GLB1: variants seen among roughly 807,000 people sequenced by gnomAD.
The protein encoded by GLB1 is beta-galactosidase.
Under a neutral mutation model 74.0 loss-of-function variants are expected in GLB1, and 56 were observed. That is an observed-to-expected ratio of 0.76 (90% CI 0.61 to 0.94). The LOEUF is 0.94. Among genes scored for constraint, GLB1 ranks in the 40% least tolerant of loss-of-function variants. GLB1 has a pLI of 0.00. For synonymous variants in GLB1, 323 were observed against 323.6 expected (o/e 1.00, Z 0.02); for missense variants, 787 against 845.5 (o/e 0.93, Z 0.86).
At position 32,996,725 on chromosome 3, in the gene GLB1, T is replaced by G. The variant is rs1696319732; in HGVS notation, c.*320A>C. ...TACCTGCACATTAAAAACAGTGACA[T>G]CATCATTTGAGTACAAATTTTATTT... is the stretch of plus-strand genomic sequence containing the variant. On this transcript the variant is annotated 3_prime_UTR_variant, in exon 16 of 16. Coordinates refer to ENST00000307363, the MANE Select transcript of GLB1 (RefSeq NM_000404.4). 3 of 372,466 alleles carry G rather than the reference T, an allele frequency of 8.1e-6. No individual in the cohort carries two copies. The highest frequency in any genetic ancestry group is 1.5e-5 in the Non-Finnish European group (3 of 196,002). 23.1% of individuals were successfully genotyped at this position (372,466 alleles called of 1,614,324 possible).
chr3:33,094,370 A>G, intron 1 of GLB1: 6 of 1,373,052 alleles, frequency 4.4e-6, no homozygotes, highest in Non-Finnish European at 5.7e-6. Flanking sequence ...TCAAAACTCA[A>G]AGGCCACTTA....
chr3:33,066,667 A>C (rs142565051), intron 4 of GLB1, among the ~76,000 whole-genome samples: 147 of 152,354 alleles, frequency 9.6e-4, no homozygotes, highest in African/African-American at 3.4e-3. Context: ...TGCTGAATGA[A>C]GAAAAGAGTG....
intron 15 of GLB1, among the ~76,000 whole-genome samples, chr3:32,997,826 G>A (rs1282220090): frequency 1.3e-5 from 2 of 152,190 alleles, no homozygotes; most frequent in African/African-American, 4.8e-5. Context: ...GGCAGGTCTT[G>A]ACCTCACTAT....
At chr3:33,007,132 T>C (rs567360630) in intron 15 of GLB1, among the ~76,000 whole-genome samples, 6 of 152,314 alleles carry the variant, frequency 3.9e-5, no homozygotes, top group African/African-American at 1.4e-4. Flanking sequence ...ATTGGTTCTG[T>C]GTTAGGTAGG....
At chr3:33,024,947 CT>C (rs34388197) in intron 10 of GLB1, among the ~76,000 whole-genome samples, 51,639 of 144,140 alleles carry the variant, frequency 0.36, 9,018 homozygotes, top group East Asian at 0.47. Context: ...TACAAATCCT[CT>C]TTTTTTTTTT....
intron 10 of GLB1, among the ~76,000 whole-genome samples, chr3:33,037,180 G>T (rs538643485): frequency 6.6e-6 from 1 of 152,038 alleles, no homozygotes; most frequent in East Asian, 1.9e-4. Flanking sequence ...CGAGTAGCTG[G>T]AATTACAGGT....
the GLB1 span, among the ~76,000 whole-genome samples, chr3:32,987,391 C>T: frequency 2.0e-5 from 3 of 152,212 alleles, no homozygotes; most frequent in Non-Finnish European, 4.4e-5. Context: ...TGAAAGTAGT[C>T]TCCTTGCTTA....
intron 15 of GLB1, among the ~76,000 whole-genome samples, chr3:33,002,693 G>A (rs1342603084): frequency 6.6e-6 from 1 of 152,178 alleles, no homozygotes; most frequent in Admixed American, 6.5e-5. Context: ...ACAGGTGTGA[G>A]CCTCTGTGCC....
chr3:32,977,484 A>G, the GLB1 span, among the ~76,000 whole-genome samples: 2 of 152,204 alleles, frequency 1.3e-5, no homozygotes, highest in Non-Finnish European at 2.9e-5. Flanking sequence ...CTGGGATTAC[A>G]GGCGTGAGCC....
chr3:33,055,111 G>A (rs1359014844), intron 6 of GLB1, among the ~76,000 whole-genome samples: 2 of 152,212 alleles, frequency 1.3e-5, no homozygotes, highest in Non-Finnish European at 1.5e-5. Flanking sequence ...TTTAAACACT[G>A]TTCTCATGAG....
rs1700762567 is a variant in GLB1, at chr3:33,091,562, C to A, written c.75+5449G>T. ...TTGAAAAATTAACATTGAGTGTTTA[C>A]TGTGCACGCTGTGCCATGTGGAACT... On this transcript the variant is annotated intron_variant, in intron 1 of 15. Transcript: ENST00000307363. The A allele has an allele frequency of 4.1e-6, 4 of 985,366 alleles. No individual in the cohort carries two copies. In the South Asian group the frequency reaches 1.9e-4, roughly 46 times the overall value. The allele number at this position is 985,366 out of a possible 1,614,324, so 61.0% of individuals were successfully genotyped here.
At chr3:33,022,254 C>T (rs1416570095) in intron 11 of GLB1, among the ~76,000 whole-genome samples, 4 of 152,034 alleles carry the variant, frequency 2.6e-5, no homozygotes, top group Non-Finnish European at 4.4e-5. Flanking sequence ...ATAGTAAATG[C>T]CTGGTAAGTA....
the GLB1 span, among the ~76,000 whole-genome samples, chr3:32,967,448 T>G: frequency 3.9e-5 from 6 of 152,170 alleles, no homozygotes; most frequent in Non-Finnish European, 7.4e-5. Context: ...GTGCCTATAA[T>G]CCCAGCTACT....
At chr3:32,966,858 T>C in the GLB1 span, among the ~76,000 whole-genome samples, 1 of 152,220 alleles carries the variant, frequency 6.6e-6, no homozygotes, top group Non-Finnish European at 1.5e-5. Context: ...ATACGCTGTC[T>C]TGCCTGCTGC....
chr3:33,092,924 A>G lies in GLB1; in HGVS notation c.75+4087T>C, dbSNP rs765672640. The G allele has an allele frequency of 1.9e-6, 3 of 1,614,220 alleles. No homozygotes were observed. The East Asian group carries it at 6.7e-5, about 36-fold the overall frequency. On this transcript the variant is annotated intron_variant, in intron 1 of 15. Transcript: ENST00000307363. ...CGTAGTAGGCTGTGCCTGGGCTGAC[A>G]TACACGAATGTAGCCTGGGCCACCT...
In GLB1 at chr3:33,024,287, T is replaced by C. The variant is rs1697636432; in HGVS notation, c.1107A>G (p.Thr369=). ...KVPEGPIPPS[T]PKFAYGKVTL... ...TGACCTTTCCATATGCAAACTTTGG[T>C]GTAGATGGAGGGATAGGACCTTCTG... is the stretch of plus-strand genomic sequence containing the variant. Residue 369 remains threonine, a synonymous_variant, in exon 11 of 16, where the codon ACA becomes ACG. Coordinates refer to ENST00000307363, the MANE Select transcript of GLB1 (RefSeq NM_000404.4). 2 of 1,613,264 alleles carry C rather than the reference T, an allele frequency of 1.2e-6. No homozygotes were observed. The highest frequency in any genetic ancestry group is 1.7e-6 in the Non-Finnish European group (2 of 1,179,980).
In GLB1 at chr3:33,016,767, T is replaced by C; in HGVS notation, c.1421A>G (p.Asp474Gly). 1 of 1,614,168 alleles carries C rather than the reference T, an allele frequency of 6.2e-7. No homozygotes were observed. The highest frequency in any genetic ancestry group is 1.1e-5 in the South Asian group (1 of 91,084). Residue 474 changes from aspartate to glycine, a missense_variant, in exon 14 of 16, where the codon GAC becomes GGC. Transcript: ENST00000307363. ...ACGTCCCATGTTCTCTACCAGAAGG[T>C]CCAGAGTGGCTCCAGCTTTCCCTGT... Reference protein sequence around the residue: ...NITGKAGATLDLLVENMGRVN... With the variant: ...NITGKAGATLGLLVENMGRVN...
rs1177474723 is a variant in GLB1, at chr3:33,068,251, G to A, written c.436C>T (p.Leu146Phe). 6.2e-7 allele frequency: 1 copy of A among 1,613,902 alleles called. No individual in the cohort carries two copies. The highest frequency in any genetic ancestry group is 1.3e-5 in the African/African-American group (1 of 74,928). Residue 146 changes from leucine (L) to phenylalanine (F), a missense_variant, in exon 4 of 16, where the codon CTT becomes TTT. Leu to Phe is a conservative substitution (Grantham distance 22). Transcript: ENST00000307363. ...PAWLLEKESILLRSSDPDYLA... is the reference protein window; with the variant it reads ...PAWLLEKESIFLRSSDPDYLA... ...CTACCTGGGTCGGAGGAGCGGAGAA[G>A]AATAGACTCTTTCTCTAGCAGCCAA...
At chr3:33,065,702 T>A (rs1699644017) in intron 4 of GLB1, 145 bp from the exon 5 acceptor site, 1 of 935,468 alleles carries the variant, frequency 1.1e-6, no homozygotes, top group Admixed American at 2.2e-5. Context: ...GTGCGGTGGC[T>A]CACGCCTGTA....
Sources: gnomAD v4.1 joint callset for allele counts (sites outside exome capture counted in the v4.1 genomes callset) on GRCh38, gnomAD v4.1.1 for gene constraint, MANE v1.5 for transcripts, NCBI Gene and HGNC (gene_info 2026-07-23, HGNC 2026-07-21) for gene names.